The following ANO1 variants were observed in gnomAD, a reference collection of about 807,000 sequenced individuals.
The protein encoded by ANO1 is anoctamin-1.
In ANO1, 59 loss-of-function variants were observed where a neutral mutation model predicts 124.0. The observed-to-expected ratio is 0.48, with a 90% CI of 0.39 to 0.59. ANO1 has a LOEUF of 0.59. ANO1 is among the 20% of genes least tolerant of loss of function. ANO1 has a pLI of 0.00. For synonymous variants in ANO1, 529 were observed against 532.0 expected (o/e 0.99, Z 0.08); for missense variants, 1,059 against 1,328.0 (o/e 0.80, Z 3.15).
intron 10 of ANO1, among the ~76,000 whole-genome samples, chr11:70,129,052 G>T (rs940461811): frequency 1.3e-5 from 2 of 152,222 alleles, no homozygotes; most frequent in African/African-American, 4.8e-5. Flanking sequence ...TGGAAGAGGG[G>T]CTCGCGTTGT....
rs576374995 is a variant in ANO1 at position 70,111,284 on chromosome 11, G to A, written c.800-423G>A. The stretch of plus-strand genomic sequence containing the variant: ...TCTGACACCATCAATTTTTCCATCC[G>A]TATATTTCCTCATGATTCAGCTTCT... On this transcript the variant is annotated intron_variant, in intron 6 of 25. Coordinates refer to ENST00000355303, the MANE Select transcript of ANO1 (RefSeq NM_018043.7). 90 of 465,080 alleles carry A rather than the reference G, an allele frequency of 1.9e-4. 1 individual carries two copies. The highest frequency in any genetic ancestry group is 3.2e-4 in the Middle Eastern group (1 of 3,130). 28.8% of individuals were successfully genotyped at this position (465,080 alleles called of 1,614,324 possible). A position where few individuals can be genotyped will look rare whatever the true frequency, so the allele number is the denominator to read the frequency against.
At chr11:70,152,611 TCCTA>T in intron 13 of ANO1, 150 bp downstream of exon 13, 1 of 946,846 alleles carries the variant, frequency 1.1e-6, no homozygotes, top group Non-Finnish European at 1.6e-6. Flanking sequence ...CTCCGGTCTC[TCCTA>T]ACCTGTTCTT....
chr11:70,167,577 G>A (rs950146671), intron 21 of ANO1, among the ~76,000 whole-genome samples, 190 bp downstream of exon 21: 9 of 152,146 alleles, frequency 5.9e-5, no homozygotes, highest in Non-Finnish European at 1.5e-5. Flanking sequence ...CCTTGGGTCG[G>A]TGAGCATGGC....
chr11:70,068,328 G>T (rs185553402), intron 1 of ANO1, among the ~76,000 whole-genome samples: 31 of 152,306 alleles, frequency 2.0e-4, no homozygotes, highest in Admixed American at 1.7e-3. Flanking sequence ...TCCACTAGGC[G>T]GGTGCTAGAA....
At chr11:70,078,834 C>T in intron 1 of ANO1, 120 bp downstream of exon 1, 1 of 484,032 alleles carries the variant, frequency 2.1e-6, no homozygotes, top group Non-Finnish European at 2.9e-6. Context: ...ACCCTCCGCG[C>T]AGGGTTCGCG....
intron 18 of ANO1, 139 bp downstream of exon 18, chr11:70,161,872 G>T: frequency 1.3e-6 from 1 of 788,514 alleles, no homozygotes; most frequent in East Asian, 2.5e-5. Flanking sequence ...GGGTCAGGGA[G>T]AAGGCCTGGG....
At chr11:69,969,160 C>T in the ANO1 span, among the ~76,000 whole-genome samples, 1 of 152,176 alleles carries the variant, frequency 6.6e-6, no homozygotes, top group East Asian at 1.9e-4. Flanking sequence ...GCTGCAGGGC[C>T]ACGGGAGGGT....
chr11:70,060,446 A>G (rs1234019033), intron 1 of ANO1, among the ~76,000 whole-genome samples: 2 of 151,332 alleles, frequency 1.3e-5, no homozygotes, highest in African/African-American at 2.4e-5. Context: ...AGAAGATGCT[A>G]TATGTATTAG....
At chr11:70,079,595 TG>T in intron 1 of ANO1, among the ~76,000 whole-genome samples, 1 of 152,220 alleles carries the variant, frequency 6.6e-6, no homozygotes, top group South Asian at 2.1e-4. Context: ...TATCTCCTCT[TG>T]GGGTGAGGGA....
rs10667749 is a variant in ANO1, at chr11:70,095,427, A to AAAGAAAAGAAAGAAAAG, written c.441+7345_441+7346insGAAAAGAAAGAAAAGAA. Among the ~76,000 whole-genome samples the AAAGAAAAGAAAGAAAAG allele has an allele frequency of 2.1e-3, 63 of 30,660 alleles. 1 individual carries two copies. The highest frequency in any genetic ancestry group is 2.8e-3 in the Non-Finnish European group (37 of 13,198). 20.1% of individuals were successfully genotyped at this position (30,660 alleles called of 152,430 possible). The stretch of plus-strand genomic sequence containing the variant: ...GAAAGAAAGAAAGAAAGAAAGAAAG[A>AAAGAAAAGAAAGAAAAG]AAAGAAAAGAAAGAAAGAGGGAAAG... On this transcript the variant is annotated intron_variant, in intron 2 of 25. Transcript: ENST00000355303.
chr11:70,030,200 G>A (rs2135026952), intron 1 of ANO1, among the ~76,000 whole-genome samples: 2 of 152,380 alleles, frequency 1.3e-5, no homozygotes, highest in South Asian at 4.1e-4. Context: ...CGCCTTGGGG[G>A]CTGCAGCCCA....
chr11:70,078,628 T>A lies in ANO1; in HGVS notation c.22T>A (p.Ser8Thr), dbSNP rs374006339. Residue 8 changes from serine (S) to threonine (T), a missense_variant, in exon 1 of 26, where the codon TCG (serine) becomes ACG (threonine). Physicochemically the swap from Ser to Thr is moderately conservative, Grantham distance 58. Around this residue, in one of 2 missense-constraint regions of ANO1, gnomAD observed 250 missense variants for 233.1 expected, o/e 1.07. Transcript: ENST00000355303. ...CACGATGAGGGTCAACGAGAAGTAC[T>A]CGACGCTCCCGGCCGAGGACCGCAG... MRVNEKY[S>T]TLPAEDRSVH... 2.1e-5 allele frequency: 32 copies of A among 1,498,680 alleles called. No individual in the cohort carries two copies. In the African/African-American group the frequency reaches 4.3e-4, roughly 20 times the overall value. 92.8% of individuals were successfully genotyped at this position (1,498,680 alleles called of 1,614,324 possible).
chr11:70,141,517 T>G (rs2047153326), intron 11 of ANO1: 1 of 152,222 alleles, frequency 6.6e-6, no homozygotes, highest in Admixed American at 6.5e-5. Flanking sequence ...GCTCCCATTT[T>G]GAGCGGGGGC....
At chr11:70,169,925 C>A in intron 21 of ANO1, 1 of 304,202 alleles carries the variant, frequency 3.3e-6, no homozygotes, top group Non-Finnish European at 6.5e-6. Context: ...AGTTCCCGAA[C>A]CAGCTTTCCT....
At chr11:69,976,375 T>C in the ANO1 span, among the ~76,000 whole-genome samples, 9 of 151,644 alleles carry the variant, frequency 5.9e-5, no homozygotes, top group South Asian at 1.0e-3. Flanking sequence ...TGCACGGTGG[T>C]GGGCGCCTGT....
upstream of ANO1, chr11:70,075,405 A>G (rs977083925): frequency 6.6e-6 from 1 of 152,124 alleles, no homozygotes; most frequent in African/African-American, 2.4e-5. Context: ...GGAATGATAC[A>G]GAGAAGATTA....
chr11:70,020,272 C>T (rs537200709), intron 1 of ANO1, among the ~76,000 whole-genome samples: 1 of 152,354 alleles, frequency 6.6e-6, no homozygotes, highest in South Asian at 2.1e-4. Flanking sequence ...CAGCCCACTT[C>T]CTATCCACAG....
the ANO1 span, among the ~76,000 whole-genome samples, chr11:69,973,645 G>A: frequency 7.9e-5 from 12 of 151,974 alleles, no homozygotes; most frequent in Non-Finnish European, 1.5e-4. Context: ...AGGCCGAAGC[G>A]GGTGGATCAC....
At chr11:70,100,802 T>C (rs1466209210) in intron 2 of ANO1, among the ~76,000 whole-genome samples, 2 of 152,178 alleles carry the variant, frequency 1.3e-5, no homozygotes, top group African/African-American at 4.8e-5. Flanking sequence ...GGAACTGACA[T>C]TGAGTGGATG....
Sources: gnomAD v4.1 joint callset for allele counts (sites outside exome capture counted in the v4.1 genomes callset) on GRCh38, gnomAD v4.1.1 for gene constraint, gnomAD v4.1.1 regional missense constraint, MANE v1.5 for transcripts, NCBI Gene and HGNC (gene_info 2026-07-23, HGNC 2026-07-21) for gene names.